TTLL3: variants seen among roughly 807,000 people sequenced by gnomAD.
The protein encoded by TTLL3 is tubulin tyrosine ligase like 3.
In TTLL3, 63 loss-of-function variants were observed where a neutral mutation model predicts 75.2. The ratio of observed to expected loss-of-function variants is 0.84; its 90% CI spans 0.68 to 1.03. TTLL3 has a LOEUF of 1.03. TTLL3 is among the 50% of genes least tolerant of loss of function. The pLI, the probability that TTLL3 is intolerant of heterozygous loss-of-function variation, is 0.00. For missense variants in TTLL3, 997 were observed against 1,069.9 expected, an observed-to-expected ratio of 0.93 and a Z score of 0.95; for synonymous variants, 393 against 418.5, an observed-to-expected ratio of 0.94 and a Z score of 0.74.
At chr3:9,826,331 G>A (rs868302897) in intron 9 of TTLL3, among the ~76,000 whole-genome samples, 2 of 152,214 alleles carry the variant, frequency 1.3e-5, no homozygotes, top group Admixed American at 6.5e-5. Context: ...CTCTAGACAA[G>A]GAGATACATT....
chr3:9,827,420 CA>C, intron 10 of TTLL3, 180 bp downstream of exon 10: 1 of 1,174,096 alleles, frequency 8.5e-7, no homozygotes, highest in Non-Finnish European at 1.2e-6. Context: ...TTTTAACAGA[CA>C]GGGGGCGGTC....
chr3:9,813,500 C>G (rs971596773), intron 4 of TTLL3, 155 bp downstream of exon 4: 2 of 901,478 alleles, frequency 2.2e-6, no homozygotes, highest in Non-Finnish European at 3.4e-6. Flanking sequence ...CTGGATAGAG[C>G]TGGACATGGT....
At chr3:9,811,887 A>G (rs997140680) in intron 2 of TTLL3, among the ~76,000 whole-genome samples, 17 of 152,120 alleles carry the variant, frequency 1.1e-4, no homozygotes, top group African/African-American at 4.1e-4. Flanking sequence ...GCTTCCTTTC[A>G]ACCTTCCCTG....
At chr3:9,823,707 C>T (rs949159085) in intron 8 of TTLL3, among the ~76,000 whole-genome samples, 8 of 152,162 alleles carry the variant, frequency 5.3e-5, no homozygotes, top group African/African-American at 1.9e-4. Context: ...GTTCCTGGCA[C>T]TGCCCCAGTG....
intron 13 of TTLL3, 36 bp from the exon 14 acceptor site, chr3:9,835,058 G>C: frequency 6.3e-7 from 1 of 1,589,972 alleles, no homozygotes; most frequent in African/African-American, 1.3e-5. Context: ...ACAGACTTCT[G>C]ATCATCTCCC....
chr3:9,834,475 G>T, intron 12 of TTLL3: 1 of 839,872 alleles, frequency 1.2e-6, no homozygotes. Context: ...GCACAGCTCA[G>T]AAGGGGCACA....
At position 9,835,328 on chromosome 3, in the gene TTLL3, C is replaced by T. The variant is rs566258744; in HGVS notation, c.2287C>T (p.Leu763=). 6.2e-7 allele frequency: 1 copy of T among 1,614,164 alleles called. No homozygotes were observed. Among genetic ancestry groups the T allele is most frequent in the Admixed American group, 1.7e-5 (1 of 60,018 alleles). The change falls in exon 14 of 14, where the codon CTA becomes TTA. Residue 763 remains leucine (L), a synonymous_variant. Coordinates refer to ENST00000685419, the MANE Select transcript of TTLL3 (RefSeq NM_001387446.1). ...GCGCAGGGGCCTGGGGGATATGAAG[C>T]TAGGGAAGCCCCTGCTTCGATTCCC... is the stretch of plus-strand genomic sequence containing the variant. ...QRRRGLGDMK[L]GKPLLRFPTA...
chr3:9,819,049 T>A, intron 7 of TTLL3, 129 bp downstream of exon 7: 1 of 1,196,150 alleles, frequency 8.4e-7, no homozygotes, highest in South Asian at 1.4e-5. Flanking sequence ...CTGTGTATGA[T>A]TCACATCTAC....
rs1426916725 is a variant in TTLL3 at position 9,818,910 on chromosome 3, A to G, written c.648A>G (p.Glu216=). The G allele has an allele frequency of 1.2e-6, 2 of 1,614,114 alleles. No homozygotes were observed. The highest frequency in any genetic ancestry group is 2.2e-5 in the South Asian group (2 of 91,082). ...WKSYPIQAVE[E]EASGDKQPKK... is the part of the protein sequence containing the mutation. ...CATACCCTATTCAGGCAGTAGAGGA[A>G]GAGGCCTCAGGTAAGTACTGTGGTT... The change falls in exon 7 of 14, where the codon GAA becomes GAG. Residue 216 remains glutamate (E), a synonymous_variant. Coordinates refer to ENST00000685419, the MANE Select transcript of TTLL3 (RefSeq NM_001387446.1).
chr3:9,832,602 G>A (rs1320656876), intron 11 of TTLL3, among the ~76,000 whole-genome samples: 1 of 152,134 alleles, frequency 6.6e-6, no homozygotes, highest in Admixed American at 6.5e-5. Context: ...CCTTCTCTCT[G>A]CCTTCCTCTG....
chr3:9,816,040 G>T, intron 4 of TTLL3, 34 bp from the exon 5 acceptor site: 1 of 1,337,758 alleles, frequency 7.5e-7, no homozygotes, highest in Non-Finnish European at 1.0e-6. Flanking sequence ...ACCCACACTG[G>T]CCTCTGTGTT....
At chr3:9,825,327 G>GTGT in intron 8 of TTLL3, 1 of 185,124 alleles carries the variant, frequency 5.4e-6, no homozygotes, top group South Asian at 6.8e-5. Flanking sequence ...GACAGACCAA[G>GTGT]ACCCTGTCTC....
Position 9,821,608 on chromosome 3 carries a change from T to C in TTLL3, c.854+867T>C, listed in dbSNP as rs2080415972. 2.0e-5 allele frequency among the ~76,000 whole-genome samples: 3 copies of C among 152,346 alleles called. No homozygotes were observed. In the South Asian group the frequency reaches 6.2e-4, roughly 32 times the overall value. On this transcript the variant is annotated intron_variant, in intron 8 of 13. Transcript: ENST00000685419. ...GCAGCAGATCCACATCATTAGCACG[T>C]AATTCACTGCATCTTTTCTAAATGC...
In TTLL3 at chr3:9,818,892, T is replaced by A. The variant is rs754120332; in HGVS notation, c.630T>A (p.Pro210=). The part of the protein sequence containing the change: ...LVVKSEWKSY[P]IQAVEEEASG... ...TGAAGTCTGAGTGGAAGTCATACCC[T>A]ATTCAGGCAGTAGAGGAAGAGGCCT... The change falls in exon 7 of 14, where the codon CCT becomes CCA. Residue 210 remains proline, a synonymous_variant. Coordinates refer to ENST00000685419, the MANE Select transcript of TTLL3 (RefSeq NM_001387446.1). The A allele has an allele frequency of 6.2e-7, 1 of 1,614,138 alleles. No homozygotes were observed. Among genetic ancestry groups the A allele is most frequent in the Admixed American group, 1.7e-5 (1 of 60,016 alleles).
Position 9,827,158 on chromosome 3 carries a change from T to C in TTLL3, c.1165T>C (p.Trp389Arg). The change falls in exon 10 of 14, where the codon TGG (tryptophan) becomes CGG (arginine). Residue 389 changes from tryptophan (W) to arginine (R), a missense_variant. Transcript: ENST00000685419. ...DLRQWFLVTDWNPLTVWFYRD... is the reference protein window; with the variant it reads ...DLRQWFLVTDRNPLTVWFYRD... ...CAGACAGTGGTTCCTGGTAACTGAC[T>C]GGAACCCACTTACCGTGTGGTTCTA... 6.2e-7 allele frequency: 1 copy of C among 1,614,252 alleles called. No homozygotes were observed. The highest frequency in any genetic ancestry group is 8.5e-7 in the Non-Finnish European group (1 of 1,180,038).
At position 9,810,292 on chromosome 3, in the gene TTLL3, G is replaced by A; in HGVS notation, c.-144G>A. On this transcript the variant is annotated 5_prime_UTR_variant, in exon 1 of 14. Coordinates refer to ENST00000685419, the MANE Select transcript of TTLL3 (RefSeq NM_001387446.1). The surrounding 1 kb of genome is among the most constrained non-coding windows in gnomAD (Gnocchi z 4.4). ...CGCCCCTGCGCGCCGCCTCAGCGGC[G>A]CCTTCAAGACGCTGGTCCCAGGCAC... The A allele has an allele frequency of 1.3e-6, 2 of 1,494,914 alleles. No individual in the cohort carries two copies. Among genetic ancestry groups the A allele is most frequent in the Non-Finnish European group, 8.8e-7 (1 of 1,131,908 alleles). 92.6% of individuals were successfully genotyped at this position (1,494,914 alleles called of 1,614,324 possible).
intron 8 of TTLL3, among the ~76,000 whole-genome samples, chr3:9,823,387 A>G (rs1270982862): frequency 6.7e-6 from 1 of 149,530 alleles, no homozygotes; most frequent in Non-Finnish European, 1.5e-5. Context: ...GTCTCAAAGA[A>G]AAAACAAACA....
Position 9,825,699 on chromosome 3 carries a change from G to A in TTLL3, c.855-101G>A, listed in dbSNP as rs531015322. Reference sequence around the variant, plus strand: ...CTGCAGGGAGGGCGTGACCAAGGCTGCCTGGATGACGGCGGGGGATGGTGG... The same window carrying A: ...CTGCAGGGAGGGCGTGACCAAGGCTACCTGGATGACGGCGGGGGATGGTGG... On this transcript the variant is annotated intron_variant, in intron 8 of 13. Transcript: ENST00000685419. The A allele has an allele frequency of 3.1e-6, 5 of 1,605,782 alleles. No homozygotes were observed. In the South Asian group the frequency reaches 5.6e-5, roughly 18 times the overall value.
At chr3:9,820,133 G>C (rs1364268381) in intron 7 of TTLL3, 1 of 1,004,780 alleles carries the variant, frequency 1.0e-6, no homozygotes, top group Non-Finnish European at 1.2e-6. Context: ...GAGTGGGTCT[G>C]GATTTCTGGT....
Sources: allele counts gnomAD v4.1 joint callset (sites outside exome capture counted in the v4.1 genomes callset), GRCh38; gene constraint gnomAD v4.1.1; non-coding constraint Gnocchi (gnomAD v3.1); transcripts MANE v1.5; gene names NCBI Gene and HGNC (gene_info 2026-07-23, HGNC 2026-07-21).